Variants in SLC1A1 observed in about 807,000 individuals in gnomAD.
SLC1A1 encodes solute carrier family 1 member 1, also known as excitatory amino acid transporter 3.
SLC1A1 carries 43 observed loss-of-function variants against 53.3 expected under a neutral mutation model. That is an observed-to-expected ratio of 0.81 (90% CI 0.63 to 1.04). SLC1A1 has a LOEUF of 1.04. SLC1A1 is among the 50% of genes least tolerant of loss of function. The pLI is 0.00. For synonymous variants in SLC1A1, 307 were observed against 243.2 expected, an observed-to-expected ratio of 1.26 and a Z score of -2.44; for missense variants, 748 against 664.9, an observed-to-expected ratio of 1.12 and a Z score of -1.37.
intron 1 of SLC1A1, among the ~76,000 whole-genome samples, chr9:4,537,136 A>G (rs1208205196): frequency 6.6e-6 from 1 of 152,202 alleles, no homozygotes; most frequent in East Asian, 1.9e-4. Flanking sequence ...TGGCACATGT[A>G]TACACATGTA....
chr9:4,531,115 A>C (rs1255943474), intron 1 of SLC1A1, among the ~76,000 whole-genome samples: 1 of 152,196 alleles, frequency 6.6e-6, no homozygotes, highest in African/African-American at 2.4e-5. Flanking sequence ...TCCAGTCTAC[A>C]GCTCCCAGCG....
chr9:4,523,496 A>G (rs1026167531), intron 1 of SLC1A1, among the ~76,000 whole-genome samples: 2 of 152,218 alleles, frequency 1.3e-5, no homozygotes, highest in Admixed American at 6.5e-5. Flanking sequence ...TTATAGAACA[A>G]AAGTTAATAT....
intron 10 of SLC1A1, among the ~76,000 whole-genome samples, chr9:4,577,715 T>C (rs995399880): frequency 6.6e-6 from 1 of 152,176 alleles, no homozygotes; most frequent in Non-Finnish European, 1.5e-5. Flanking sequence ...CCTCAGGTGA[T>C]TTGCCCACCT....
In SLC1A1 at chr9:4,572,292, T is replaced by G. The variant is rs1324661965; in HGVS notation, c.671T>G (p.Leu224Arg). The G allele has an allele frequency of 4.3e-6, 7 of 1,614,164 alleles. No homozygotes were observed. The highest frequency in any genetic ancestry group is 4.2e-6 in the Non-Finnish European group (5 of 1,179,984). ...GLIVFCLVFG[L>R]VIGKMGEKGQ... ...ATTGTCTTTTGCCTTGTCTTTGGAC[T>G]TGTCATTGGAAAAATGGGAGAAAAG... The change falls in exon 7 of 12, where the codon CTT becomes CGT. Residue 224 changes from leucine (L) to arginine (R), a missense_variant. Transcript: ENST00000262352.
chr9:4,529,625 G>T (rs753644279), intron 1 of SLC1A1, among the ~76,000 whole-genome samples: 1 of 152,154 alleles, frequency 6.6e-6, no homozygotes, highest in African/African-American at 2.4e-5. Context: ...ATGAATAAGT[G>T]TAAGGAGGAA....
At chr9:4,510,444 G>C (rs940457357) in intron 1 of SLC1A1, among the ~76,000 whole-genome samples, 2 of 152,176 alleles carry the variant, frequency 1.3e-5, no homozygotes, top group Admixed American at 1.3e-4. Flanking sequence ...AGTTCAAACA[G>C]GCTTAATCCA....
In SLC1A1 at chr9:4,557,626, T is replaced by TA. The variant is rs538528891; in HGVS notation, c.233-3812dup. 8.7e-3 allele frequency among the ~76,000 whole-genome samples: 1,296 copies of TA among 149,042 alleles called. 17 individuals carry two copies. The highest frequency in any genetic ancestry group is 0.028 in the African/African-American group (1,146 of 40,618). On this transcript the variant is annotated intron_variant, in intron 2 of 11. Transcript: ENST00000262352. ...CATAGTGAGACCTCATCTCTACAAT[T>TA]AAAAAAAAAAATTAAAATAGATTAA...
In SLC1A1 at chr9:4,537,993, A is replaced by G. The variant is rs561928419; in HGVS notation, c.92-6574A>G. 7.2e-5 allele frequency among the ~76,000 whole-genome samples: 11 copies of G among 152,364 alleles called. No individual in the cohort carries two copies. In the East Asian group the frequency reaches 1.9e-3, roughly 27 times the overall value. Reference sequence around the variant, plus strand: ...AAAAATTATGAGATATTTCAGCAGAATACAGATTGTAAATAATTTTTTAAA... The same window carrying G: ...AAAAATTATGAGATATTTCAGCAGAGTACAGATTGTAAATAATTTTTTAAA... On this transcript the variant is annotated intron_variant, in intron 1 of 11. Transcript: ENST00000262352.
At chr9:4,496,884 C>G (rs1820444718) in intron 1 of SLC1A1, among the ~76,000 whole-genome samples, 1 of 152,172 alleles carries the variant, frequency 6.6e-6, no homozygotes, top group South Asian at 2.1e-4. Context: ...GGTGACAGTG[C>G]AAGATCCTGT....
intron 1 of SLC1A1, among the ~76,000 whole-genome samples, chr9:4,528,657 A>C (rs192929911): frequency 6.6e-6 from 1 of 152,310 alleles, no homozygotes; most frequent in African/African-American, 2.4e-5. Context: ...GGGAAGAAGT[A>C]AAATTGGTTG....
At chr9:4,519,361 C>T (rs1486811870) in intron 1 of SLC1A1, among the ~76,000 whole-genome samples, 1 of 152,198 alleles carries the variant, frequency 6.6e-6, no homozygotes, top group East Asian at 1.9e-4. Flanking sequence ...TCTCGAGATA[C>T]CCTCACTCAA....
chr9:4,499,018 TAA>T (rs35074500), intron 1 of SLC1A1, among the ~76,000 whole-genome samples: 5,629 of 142,234 alleles, frequency 0.04, 363 homozygotes, highest in African/African-American at 0.14. Context: ...TATATATATA[TAA>T]GATTACATAT....
chr9:4,571,853 G>C (rs904780905), intron 6 of SLC1A1, among the ~76,000 whole-genome samples: 2 of 151,918 alleles, frequency 1.3e-5, no homozygotes, highest in African/African-American at 2.4e-5. Context: ...GTTTTTTTAA[G>C]CAGACTCCAA....
intron 1 of SLC1A1, among the ~76,000 whole-genome samples, chr9:4,502,641 GCA>G (rs1230265555): frequency 6.6e-6 from 1 of 151,598 alleles, no homozygotes; most frequent in African/African-American, 2.4e-5. Flanking sequence ...ATGTAGCTGA[GCA>G]CACAGAGCTA....
intron 1 of SLC1A1, among the ~76,000 whole-genome samples, chr9:4,527,133 G>C (rs190292252): frequency 3.3e-5 from 5 of 152,240 alleles, no homozygotes; most frequent in Admixed American, 3.3e-4. Context: ...TGCAGGAGCC[G>C]AGAGGAGCCC....
At chr9:4,546,069 G>C (rs1817467236) in intron 2 of SLC1A1, among the ~76,000 whole-genome samples, 1 of 152,176 alleles carries the variant, frequency 6.6e-6, no homozygotes, top group Admixed American at 6.5e-5. Context: ...GGGCACGGGA[G>C]GGTGGGGGTC....
intron 1 of SLC1A1, among the ~76,000 whole-genome samples, chr9:4,531,212 G>A (rs571682424): frequency 6.6e-6 from 1 of 152,346 alleles, no homozygotes; most frequent in South Asian, 2.1e-4. Context: ...AGTGGGTGCA[G>A]GACAGTGGGT....
intron 1 of SLC1A1, among the ~76,000 whole-genome samples, chr9:4,500,164 G>A (rs568711535): frequency 2.6e-5 from 4 of 152,274 alleles, no homozygotes; most frequent in East Asian, 1.9e-4. Flanking sequence ...TTCCCGTGTC[G>A]CTGGAGATTT....
intron 10 of SLC1A1, among the ~76,000 whole-genome samples, chr9:4,579,532 A>C (rs1379199139): frequency 6.6e-6 from 1 of 152,182 alleles, no homozygotes; most frequent in Admixed American, 6.5e-5. Flanking sequence ...CTGGGCCTAG[A>C]AGCTAAATAG....
Sources: gnomAD v4.1 joint callset for allele counts (sites outside exome capture counted in the v4.1 genomes callset) on GRCh38, gnomAD v4.1.1 for gene constraint, MANE v1.5 for transcripts, NCBI Gene and HGNC (gene_info 2026-07-23, HGNC 2026-07-21) for gene names.